The following LY86 variants were observed in gnomAD, a reference collection of about 807,000 sequenced individuals.
LY86 encodes lymphocyte antigen 86.
Under a neutral mutation model 17.3 loss-of-function variants are expected in LY86, and 20 were observed. The ratio of observed to expected loss-of-function variants is 1.15; its 90% confidence interval spans 0.81 to 1.68. The LOEUF is 1.68. LY86 is among the 40% of genes most tolerant of loss of function. The probability of loss-of-function intolerance (pLI) is 0.00; values close to 1 mark genes in which losing one functional copy is unlikely to be tolerated. For missense variants in LY86, 200 were observed against 191.9 expected (o/e 1.04, Z -0.25); for synonymous variants, 74 against 70.6 (o/e 1.05, Z -0.24).
intron 1 of LY86, among the ~76,000 whole-genome samples, chr6:6,601,602 C>T (rs989800808): frequency 1.6e-4 from 25 of 152,102 alleles, no homozygotes; most frequent in African/African-American, 5.3e-4. Context: ...CACCTGTAGT[C>T]CCAGCTACTC....
intron 1 of LY86, among the ~76,000 whole-genome samples, chr6:6,593,761 A>C (rs1760605012): frequency 6.6e-6 from 1 of 152,204 alleles, no homozygotes; most frequent in African/African-American, 2.4e-5. Flanking sequence ...ATTTCTCCCC[A>C]GAGTAGATGG....
chr6:6,652,772 G>A (rs574017613), intron 4 of LY86, among the ~76,000 whole-genome samples: 61 of 152,210 alleles, frequency 4.0e-4, no homozygotes, highest in African/African-American at 1.3e-3. Flanking sequence ...AGCCTGGCAC[G>A]CTTGCCTAAA....
Position 6,614,079 on chromosome 6 carries a change from G to A in LY86, c.137-10847G>A, listed in dbSNP as rs116517498. On this transcript the variant is annotated intron_variant, in intron 1 of 4. Transcript: ENST00000230568. ...ATTGGTTCCCGTGTTCAGGAACACAGGCAGCCTTTCCAGAAGAAAATCAGT... is the reference window on the plus strand; with the variant it reads ...ATTGGTTCCCGTGTTCAGGAACACAAGCAGCCTTTCCAGAAGAAAATCAGT... Among the ~76,000 whole-genome samples, 642 of 152,310 alleles carry A rather than the reference G, an allele frequency of 4.2e-3. 2 individuals carry two copies. Among genetic ancestry groups the A allele is most frequent in the South Asian group, 6.6e-3 (32 of 4,826 alleles).
chr6:6,598,350 T>A (rs1760785324), intron 1 of LY86, among the ~76,000 whole-genome samples: 1 of 139,444 alleles, frequency 7.2e-6, no homozygotes, highest in South Asian at 2.1e-4. Flanking sequence ...ATTTATCTCT[T>A]TATTATCTTT....
intron 4 of LY86, among the ~76,000 whole-genome samples, chr6:6,653,962 G>C (rs907116903): frequency 6.6e-6 from 1 of 152,122 alleles, no homozygotes; most frequent in South Asian, 2.1e-4. Flanking sequence ...GGATCTTACC[G>C]ACACAGGCGC....
chr6:6,632,607 A>ACT (rs1761911912), intron 3 of LY86, among the ~76,000 whole-genome samples: 1 of 152,236 alleles, frequency 6.6e-6, no homozygotes, highest in Non-Finnish European at 1.5e-5. Context: ...AGGAGCAGCC[A>ACT]GTCCATAACA....
intron 3 of LY86, among the ~76,000 whole-genome samples, chr6:6,628,008 A>G (rs1487480692): frequency 2.0e-5 from 3 of 151,716 alleles, no homozygotes; most frequent in Non-Finnish European, 4.4e-5. Context: ...CTTTCTGCCC[A>G]GTGATCTGAC....
intron 3 of LY86, among the ~76,000 whole-genome samples, chr6:6,644,593 AAAAACCAATTTTCTTTTC>A (rs1421709861): frequency 4.6e-5 from 7 of 152,110 alleles, no homozygotes; most frequent in Admixed American, 4.6e-4. Context: ...TCCACAATTT[AAAAACCAATTTTCTTTTC>A]AAAAAGACAC....
chr6:6,596,007 C>A (rs1760702034), intron 1 of LY86, among the ~76,000 whole-genome samples: 1 of 152,196 alleles, frequency 6.6e-6, no homozygotes, highest in African/African-American at 2.4e-5. Context: ...CTCTCCTCCC[C>A]TTAAAGACAG....
At position 6,612,494 on chromosome 6, in the gene LY86, C is replaced by CA. The variant is rs1217604684; in HGVS notation, c.137-12427dup. Among the ~76,000 whole-genome samples the CA allele has an allele frequency of 6.7e-5, 10 of 149,792 alleles. No homozygotes were observed. The East Asian group carries it at 2.0e-3, about 30-fold the overall frequency. ...CAATGCAGACCCAAAGTGTAAACAA[C>CA]AAAAACACTTACTGCAAAAAGCAAA... On this transcript the variant is annotated intron_variant, in intron 1 of 4. Coordinates refer to ENST00000230568, the MANE Select transcript of LY86 (RefSeq NM_004271.4).
At chr6:6,633,455 T>C (rs1761922071) in intron 3 of LY86, among the ~76,000 whole-genome samples, 1 of 152,194 alleles carries the variant, frequency 6.6e-6, no homozygotes, top group Non-Finnish European at 1.5e-5. Context: ...GTTTGTTACA[T>C]AGTTAAACGT....
intron 1 of LY86, among the ~76,000 whole-genome samples, chr6:6,592,284 A>G (rs1056081894): frequency 9.9e-5 from 15 of 152,254 alleles, no homozygotes; most frequent in Non-Finnish European, 2.2e-4. Context: ...CACAGGAAAG[A>G]AGAGAGCCAC....
At chr6:6,653,945 G>A (rs1762223158) in intron 4 of LY86, among the ~76,000 whole-genome samples, 1 of 152,212 alleles carries the variant, frequency 6.6e-6, no homozygotes, top group Non-Finnish European at 1.5e-5. Context: ...CAGTGAGGCA[G>A]CCAGAGGGAT....
intron 1 of LY86, among the ~76,000 whole-genome samples, chr6:6,612,301 T>TA: frequency 6.6e-6 from 1 of 152,366 alleles, no homozygotes; most frequent in Middle Eastern, 3.4e-3. Context: ...GTTAGTGGCC[T>TA]TGCTAACTTC....
chr6:6,600,587 C>CAAAAAAAAAAAAAAAAAAAAAA (rs59560744), intron 1 of LY86, among the ~76,000 whole-genome samples: 2 of 82,458 alleles, frequency 2.4e-5, no homozygotes, highest in African/African-American at 1.0e-4. Flanking sequence ...GAGACTCCAT[C>CAAAAAAAAAAAAAAAAAAAAAA]AAAAAAAAAA....
chr6:6,593,196 T>G (rs909060552), intron 1 of LY86, among the ~76,000 whole-genome samples: 1 of 152,210 alleles, frequency 6.6e-6, no homozygotes, highest in South Asian at 2.1e-4. Context: ...GAGAATCCCT[T>G]TCTTTTCTTT....
At chr6:6,629,495 G>A (rs1761866645) in intron 3 of LY86, among the ~76,000 whole-genome samples, 1 of 152,254 alleles carries the variant, frequency 6.6e-6, no homozygotes, top group Non-Finnish European at 1.5e-5. Context: ...AAAAAGGCTT[G>A]CTCTGGGGCT....
chr6:6,592,074 G>A (rs1384394626), intron 1 of LY86, among the ~76,000 whole-genome samples: 2 of 151,222 alleles, frequency 1.3e-5, no homozygotes, highest in African/African-American at 2.4e-5. Context: ...GCTATTTGAG[G>A]CTGAAAATAG....
At chr6:6,595,558 A>G (rs987548879) in intron 1 of LY86, among the ~76,000 whole-genome samples, 3 of 150,238 alleles carry the variant, frequency 2.0e-5, no homozygotes, top group African/African-American at 7.4e-5. Flanking sequence ...GCACATCCAG[A>G]ACTGGGCCAA....
Sources: gnomAD v4.1 joint callset for allele counts (sites outside exome capture counted in the v4.1 genomes callset) on GRCh38, gnomAD v4.1.1 for gene constraint, MANE v1.5 for transcripts, NCBI Gene and HGNC (gene_info 2026-07-23, HGNC 2026-07-21) for gene names.